The following STX7 variants were observed in gnomAD, a reference collection of about 807,000 sequenced individuals.
The protein encoded by STX7 is syntaxin-7.
Under a neutral mutation model 39.6 loss-of-function variants are expected in STX7, and 34 were observed. The observed-to-expected ratio is 0.86, with a 90% CI of 0.65 to 1.14. The LOEUF (loss-of-function observed/expected upper bound fraction) is 1.14, where lower values mean the gene tolerates loss of function less well. STX7 is among the 50% of genes most tolerant of loss of function. STX7 has a pLI of 0.00. For missense variants in STX7, 284 were observed against 310.4 expected, an observed-to-expected ratio of 0.92 and a Z score of 0.64; for synonymous variants, 119 against 99.1, an observed-to-expected ratio of 1.20 and a Z score of -1.19.
chr6:132,472,521 T>A (rs1774753882), intron 3 of STX7, 146 bp from the exon 4 acceptor site: 2 of 547,564 alleles, frequency 3.7e-6, no homozygotes, highest in African/African-American at 1.9e-5. Context: ...TCAAAAAAAA[T>A]TTCATATCCT....
intron 2 of STX7, among the ~76,000 whole-genome samples, chr6:132,490,922 C>T (rs1428642894): frequency 4.6e-5 from 7 of 151,280 alleles, no homozygotes; most frequent in Non-Finnish European, 8.9e-5. Context: ...CTACACCAGG[C>T]TAGGGGCTGA....
chr6:132,461,540 C>G (rs1440067929), intron 9 of STX7, among the ~76,000 whole-genome samples: 1 of 151,870 alleles, frequency 6.6e-6, no homozygotes, highest in East Asian at 1.9e-4. Flanking sequence ...CCATTCTCCT[C>G]ACCTCATGAT....
intron 1 of STX7, among the ~76,000 whole-genome samples, chr6:132,509,465 AACAT>A (rs1562343500): frequency 0.02 from 171 of 8,556 alleles, 7 homozygotes; most frequent in Admixed American, 0.17. Flanking sequence ...AACATAACAT[AACAT>A]AACATAACAT....
intron 2 of STX7, among the ~76,000 whole-genome samples, chr6:132,480,055 T>C (rs960872850): frequency 1.3e-5 from 2 of 152,184 alleles, no homozygotes; most frequent in Non-Finnish European, 2.9e-5. Context: ...AAGCACCCAC[T>C]GTGCCCCCTG....
At chr6:132,462,582 GGTGTGTGTGTGTGTGTGT>G (rs71952617) in intron 9 of STX7, among the ~76,000 whole-genome samples, 2 of 144,896 alleles carry the variant, frequency 1.4e-5, no homozygotes, top group African/African-American at 2.6e-5. Context: ...CATTTGCAGG[GGTGTGTGTGTGTGTGTGT>G]GTGTGTGTGT....
chr6:132,500,816 C>A (rs1775539229), intron 2 of STX7, among the ~76,000 whole-genome samples: 1 of 152,152 alleles, frequency 6.6e-6, no homozygotes, highest in Non-Finnish European at 1.5e-5. Flanking sequence ...AAATATCTGA[C>A]CATCCTTTTT....
intron 2 of STX7, among the ~76,000 whole-genome samples, chr6:132,476,003 AG>A (rs1369880903): frequency 2.6e-5 from 4 of 152,184 alleles, no homozygotes; most frequent in Non-Finnish European, 5.9e-5. Flanking sequence ...TGAGGAAATA[AG>A]TAACAATTAC....
chr6:132,474,126 G>A (rs1774809622), intron 3 of STX7, among the ~76,000 whole-genome samples: 1 of 150,624 alleles, frequency 6.6e-6, no homozygotes, highest in East Asian at 2.0e-4. Context: ...TACACAGTAG[G>A]CTGAGGTGGG....
At position 132,470,580 on chromosome 6, in the gene STX7, C is replaced by T. The variant is rs776955652; in HGVS notation, c.434G>A (p.Trp145Ter). The T allele has an allele frequency of 3.1e-6, 5 of 1,603,376 alleles. No individual in the cohort carries two copies. Among genetic ancestry groups the T allele is most frequent in the Non-Finnish European group, 4.3e-6 (5 of 1,173,296 alleles). ...DSSKERNLVSWESQTQPQVQV... is the reference protein window; with the variant it reads ...DSSKERNLVS ...AATGTTTTGTATTTCTTACCTTTCC[C>T]AGGATACAAGATTCCTTTCTTTTGA... is the stretch of plus-strand genomic sequence containing the variant. The change falls in exon 6 of 10, where the codon TGG (tryptophan) becomes TAG (stop). Residue 145 changes from tryptophan to a stop codon, truncating the protein, a stop_gained. Transcript: ENST00000367941. LOFTEE classifies it high-confidence loss of function.
chr6:132,474,736 A>C (rs1582656443), intron 3 of STX7, among the ~76,000 whole-genome samples: 1 of 152,230 alleles, frequency 6.6e-6, no homozygotes, highest in East Asian at 1.9e-4. Context: ...TAAATGATAA[A>C]ATATGTAAAA....
rs1774155803 is a variant in STX7, at chr6:132,452,516, A to T, written c.*8242T>A. 2.0e-5 allele frequency: 3 copies of T among 152,128 alleles called. No homozygotes were observed. The highest frequency in any genetic ancestry group is 2.0e-4 in the Admixed American group (3 of 15,268). 9.4% of individuals were successfully genotyped at this position (152,128 alleles called of 1,614,324 possible). A position where few individuals can be genotyped will look rare whatever the true frequency, so the allele number is the denominator to read the frequency against. ...AAGGAATCAATCAAAATCCCCTAAA[A>T]TGAGTAAGTGGGCTCAATAAGGTCT... On this transcript the variant is annotated 3_prime_UTR_variant, in exon 10 of 10. Coordinates refer to ENST00000367941, the MANE Select transcript of STX7 (RefSeq NM_003569.3).
intron 2 of STX7, among the ~76,000 whole-genome samples, chr6:132,503,193 T>C (rs992807138): frequency 2.6e-5 from 4 of 152,204 alleles, no homozygotes; most frequent in Non-Finnish European, 4.4e-5. Context: ...CCATTATCCT[T>C]TTAAATCTTT....
At chr6:132,486,930 G>C (rs1306317025) in intron 2 of STX7, among the ~76,000 whole-genome samples, 1 of 152,084 alleles carries the variant, frequency 6.6e-6, no homozygotes, top group African/African-American at 2.4e-5. Flanking sequence ...GCCTCCCAAA[G>C]TGCTGGGATT....
intron 3 of STX7, among the ~76,000 whole-genome samples, chr6:132,474,556 T>C (rs904387874): frequency 2.0e-5 from 3 of 152,130 alleles, no homozygotes; most frequent in African/African-American, 7.2e-5. Flanking sequence ...TTTAGAAGTA[T>C]TGCTTACTAG....
At chr6:132,504,697 G>A (rs1207203100) in intron 1 of STX7, among the ~76,000 whole-genome samples, 1 of 152,088 alleles carries the variant, frequency 6.6e-6, no homozygotes, top group Admixed American at 6.5e-5. Context: ...TGTCATTTAG[G>A]AGGAAGGATA....
chr6:132,471,653 G>T, intron 4 of STX7, 53 bp from the exon 5 acceptor site: 1 of 1,594,566 alleles, frequency 6.3e-7, no homozygotes, highest in Non-Finnish European at 8.5e-7. Flanking sequence ...AAGTTCAACT[G>T]AATTTGCGGT....
At chr6:132,483,873 C>T (rs1775068232) in intron 2 of STX7, among the ~76,000 whole-genome samples, 1 of 152,278 alleles carries the variant, frequency 6.6e-6, no homozygotes, top group East Asian at 1.9e-4. Flanking sequence ...AAATAATCCT[C>T]CTACTTTCTC....
At chr6:132,491,654 G>A (rs1220423906) in intron 2 of STX7, among the ~76,000 whole-genome samples, 2 of 151,958 alleles carry the variant, frequency 1.3e-5, no homozygotes, top group Non-Finnish European at 1.5e-5. Flanking sequence ...CTTTGCACAC[G>A]TCTCCTACTG....
At chr6:132,462,506 C>A (rs975887831) in intron 9 of STX7, among the ~76,000 whole-genome samples, 1 of 151,816 alleles carries the variant, frequency 6.6e-6, no homozygotes, top group South Asian at 2.1e-4. Context: ...ACCATGTGAA[C>A]CTAGTCACTG....
Sources: allele counts gnomAD v4.1 joint callset (sites outside exome capture counted in the v4.1 genomes callset), GRCh38; gene constraint gnomAD v4.1.1; transcripts MANE v1.5; gene names NCBI Gene and HGNC (gene_info 2026-07-23, HGNC 2026-07-21).